The following ERAP1 variants were observed in gnomAD, a reference collection of about 807,000 sequenced individuals.
ERAP1 encodes the protein adipocyte-derived leucine aminopeptidase.
ERAP1 carries 86 observed loss-of-function variants against 103.7 expected under a neutral mutation model. The observed-to-expected ratio is 0.83, with a 90% confidence interval of 0.70 to 0.99. The LOEUF (loss-of-function observed/expected upper bound fraction) is 0.99, where lower values mean the gene tolerates loss of function less well. Ranked by LOEUF, ERAP1 falls within the 50% of genes least tolerant of loss-of-function variation. ERAP1 has a pLI of 0.00. For synonymous variants in ERAP1, 398 were observed against 402.4 expected, an observed-to-expected ratio of 0.99 and a Z score of 0.13; for missense variants, 1,009 against 1,128.4, an observed-to-expected ratio of 0.89 and a Z score of 1.52.
chr5:96,903,689 T>C, the ERAP1 span: 1 of 797,590 alleles, frequency 1.3e-6, no homozygotes, highest in Non-Finnish European at 1.9e-6. Flanking sequence ...CAAACAGTGA[T>C]CACTAGGCCA....
Position 96,795,149 on chromosome 5 carries a change from G to A in ERAP1, c.812C>T (p.Ala271Val), listed in dbSNP as rs1219606137. Residue 271 changes from alanine (A) to valine (V), a missense_variant, in exon 5 of 19, where the codon GCT (alanine) becomes GTT (valine). By Grantham distance (64) the Ala-to-Val change is moderately conservative. This residue lies in a region of ERAP1 where 392 missense variants were observed against 455.2 expected (regional missense o/e 0.86). Coordinates refer to ENST00000443439, the MANE Select transcript of ERAP1 (RefSeq NM_001040458.3). ...TGCTTGATTTATCTTGTCTGGCACAGCATAAACAGAAACCTAAAGAGAAAG... is the reference window on the plus strand; with the variant it reads ...TGCTTGATTTATCTTGTCTGGCACAACATAAACAGAAACCTAAAGAGAAAG... The part of the protein sequence containing the change: ...TKSGVKVSVY[A>V]VPDKINQADY... The A allele has an allele frequency of 1.9e-6, 3 of 1,613,570 alleles. No individual in the cohort carries two copies. The highest frequency in any genetic ancestry group is 1.3e-5 in the African/African-American group (1 of 75,010).
the ERAP1 span, among the ~76,000 whole-genome samples, chr5:96,905,466 AAAGT>A: frequency 6.6e-6 from 1 of 152,236 alleles, no homozygotes; most frequent in Non-Finnish European, 1.5e-5. Flanking sequence ...ATTTATAACA[AAAGT>A]AATTGTATAA....
chr5:96,816,096 GGC>G, the ERAP1 span, among the ~76,000 whole-genome samples: 1 of 152,086 alleles, frequency 6.6e-6, no homozygotes, highest in East Asian at 1.9e-4. Context: ...AACCTCAAAG[GGC>G]CAGCACTAAA....
In ERAP1 at chr5:96,767,912, T is replaced by G. The variant is rs79522948; in HGVS notation, c.2819-4684A>C. The G allele has an allele frequency of 7.3e-4, 1,170 of 1,610,832 alleles. 9 individuals carry two copies. In the African/African-American group the frequency reaches 0.014, roughly 19 times the overall value. On this transcript the variant is annotated intron_variant, in intron 19 of 19. Coordinates refer to the ERAP1 transcript ENST00000296754. ...TATTTCTACTCATATCTCAGAAACC[T>G]GCAGATGACCAAGACCCCATTGATG...
the ERAP1 span, among the ~76,000 whole-genome samples, chr5:96,836,460 C>A: frequency 4.9e-4 from 74 of 152,278 alleles, no homozygotes; most frequent in African/African-American, 1.8e-3. Context: ...CTTCAGCCTC[C>A]CAAAGTGCTG....
the ERAP1 span, among the ~76,000 whole-genome samples, chr5:96,841,285 G>T: frequency 6.6e-6 from 1 of 152,120 alleles, no homozygotes; most frequent in Non-Finnish European, 1.5e-5. Context: ...TGGGTTGGCG[G>T]TATCTGTATA....
At chr5:96,800,374 A>T (rs1777847300) in intron 3 of ERAP1, among the ~76,000 whole-genome samples, 2 of 152,238 alleles carry the variant, frequency 1.3e-5, no homozygotes, top group South Asian at 4.1e-4. Flanking sequence ...GGAAAAGATT[A>T]CTTTTATTCT....
the ERAP1 span, chr5:96,909,766 T>C: frequency 6.2e-7 from 1 of 1,613,708 alleles, no homozygotes; most frequent in Non-Finnish European, 8.5e-7. Flanking sequence ...AAAATTAAAG[T>C]AGATGTAGAC....
the ERAP1 span, chr5:96,919,551 T>C: frequency 6.6e-6 from 1 of 152,320 alleles, no homozygotes; most frequent in South Asian, 2.1e-4. Flanking sequence ...TCTTTTGTAT[T>C]GTTATTTACA....
At chr5:96,909,488 C>A in the ERAP1 span, 2 of 945,740 alleles carry the variant, frequency 2.1e-6, no homozygotes, top group Non-Finnish European at 3.3e-6. Context: ...GGGAAAGATG[C>A]AGAAAGTTTA....
the ERAP1 span, chr5:96,934,435 A>C: frequency 2.0e-5 from 3 of 152,294 alleles, no homozygotes; most frequent in Non-Finnish European, 4.4e-5. Context: ...AGGAATTATT[A>C]ACAATGATGG....
At chr5:96,886,021 C>T in the ERAP1 span, among the ~76,000 whole-genome samples, 11 of 152,350 alleles carry the variant, frequency 7.2e-5, no homozygotes, top group Middle Eastern at 3.4e-3. Context: ...ATGACTCAAG[C>T]TGTCACGCAG....
At chr5:96,818,893 CATTTATTT>C in the ERAP1 span, among the ~76,000 whole-genome samples, 5,095 of 141,752 alleles carry the variant, frequency 0.036, 140 homozygotes, top group East Asian at 0.098. Flanking sequence ...ACCTGAACTG[CATTTATTT>C]ATTTATTTAT....
the ERAP1 span, among the ~76,000 whole-genome samples, chr5:96,870,864 G>A: frequency 6.6e-6 from 1 of 152,120 alleles, no homozygotes; most frequent in African/African-American, 2.4e-5. Flanking sequence ...TCTACCCATT[G>A]GCCCATTCAT....
At chr5:96,907,180 T>C in the ERAP1 span, among the ~76,000 whole-genome samples, 1 of 152,360 alleles carries the variant, frequency 6.6e-6, no homozygotes, top group Non-Finnish European at 1.5e-5. Context: ...TTTATATATG[T>C]TTTATTCTTT....
the ERAP1 span, among the ~76,000 whole-genome samples, chr5:96,840,995 C>T: frequency 3.9e-5 from 6 of 152,136 alleles, no homozygotes; most frequent in Admixed American, 6.5e-5. Flanking sequence ...TGAGCCACTG[C>T]GCCCGGCCAG....
chr5:96,836,180 T>TTTG, the ERAP1 span, among the ~76,000 whole-genome samples: 4 of 149,862 alleles, frequency 2.7e-5, no homozygotes, highest in Admixed American at 6.6e-5. Flanking sequence ...TCTTTGGTTT[T>TTTG]TTTTTTTTTT....
the ERAP1 span, among the ~76,000 whole-genome samples, chr5:96,833,023 A>T: frequency 1.3e-5 from 2 of 152,230 alleles, no homozygotes; most frequent in Non-Finnish European, 2.9e-5. Context: ...GGATACAAGA[A>T]TTCATCAGTC....
At chr5:96,874,138 GAA>G in the ERAP1 span, among the ~76,000 whole-genome samples, 2 of 87,334 alleles carry the variant, frequency 2.3e-5, no homozygotes, top group African/African-American at 5.0e-5. Flanking sequence ...AAGAGAGAGA[GAA>G]AGAAAGAAAG....
Sources: gnomAD v4.1 joint callset for allele counts (sites outside exome capture counted in the v4.1 genomes callset) on GRCh38, gnomAD v4.1.1 for gene constraint, gnomAD v4.1.1 regional missense constraint, MANE v1.5 for transcripts, NCBI Gene and HGNC (gene_info 2026-07-23, HGNC 2026-07-21) for gene names.